Variants in NUP205 observed in about 807,000 individuals in gnomAD.
NUP205 encodes the protein nucleoporin 205.
NUP205 carries 76 observed loss-of-function variants against 253.8 expected under a neutral mutation model. The ratio of observed to expected loss-of-function variants is 0.30; its 90% CI spans 0.25 to 0.36. NUP205 has a LOEUF of 0.36. NUP205 is among the 10% of genes least tolerant of loss of function. The pLI is 1.00. For synonymous variants in NUP205, 832 were observed against 850.1 expected (o/e 0.98, Z 0.37); for missense variants, 2,162 against 2,425.5 (o/e 0.89, Z 2.28).
At chr7:135,603,753 G>A (rs1223856731) in intron 18 of NUP205, among the ~76,000 whole-genome samples, 1 of 151,902 alleles carries the variant, frequency 6.6e-6, no homozygotes, top group Admixed American at 6.6e-5. Flanking sequence ...CAAGCAGTCC[G>A]CCCAGCTCAG....
rs895457598 is a variant in NUP205 at position 135,585,024 on chromosome 7, A to G, written c.1218+17A>G. 2 of 1,565,254 alleles carry G rather than the reference A, an allele frequency of 1.3e-6. No homozygotes were observed. The highest frequency in any genetic ancestry group is 8.7e-7 in the Non-Finnish European group (1 of 1,144,054). On this transcript the variant is annotated intron_variant, in intron 8 of 42. Coordinates refer to ENST00000285968, the MANE Select transcript of NUP205 (RefSeq NM_015135.3). The stretch of plus-strand genomic sequence containing the variant: ...CCAATGAAGGTAAGTGTAATAATGT[A>G]GGATGAGTAAATAGTAGAAGAATTT...
chr7:135,609,954 G>T (rs1282196154), intron 22 of NUP205, among the ~76,000 whole-genome samples: 1 of 152,182 alleles, frequency 6.6e-6, no homozygotes, highest in East Asian at 1.9e-4. Context: ...AATGAAGCCA[G>T]GGTCCAGTTA....
rs553570706 is a variant in NUP205, at chr7:135,566,511, G to C, written c.29-4594G>C. 8.5e-5 allele frequency among the ~76,000 whole-genome samples: 13 copies of C among 152,292 alleles called. No individual in the cohort carries two copies. In the South Asian group the frequency reaches 2.7e-3, roughly 32 times the overall value. The stretch of plus-strand genomic sequence containing the variant: ...ATATTTTTAATCAGAAGATTGGAAA[G>C]TGTGGGACTAAAGCAGGAGAAGCAA... On this transcript the variant is annotated intron_variant, in intron 1 of 42. Coordinates refer to ENST00000285968, the MANE Select transcript of NUP205 (RefSeq NM_015135.3).
At chr7:135,600,696 T>C (rs1265264142) in intron 15 of NUP205, among the ~76,000 whole-genome samples, 174 bp from the exon 16 acceptor site, 1 of 152,210 alleles carries the variant, frequency 6.6e-6, no homozygotes, top group South Asian at 2.1e-4. Flanking sequence ...CATTATCTTT[T>C]AGCAAAATAA....
chr7:135,648,593 T>A lies in NUP205; in HGVS notation c.*37T>A. The A allele has an allele frequency of 1.4e-6, 2 of 1,400,934 alleles. No homozygotes were observed. The highest frequency in any genetic ancestry group is 1.9e-6 in the Non-Finnish European group (2 of 1,062,386). 86.8% of individuals were successfully genotyped at this position (1,400,934 alleles called of 1,614,324 possible). Reference sequence around the variant, plus strand: ...TATGCTCTTCTATGAGAGAGATGAATTGGGGAGAATTGTCTCCATTTTATA... The same window carrying A: ...TATGCTCTTCTATGAGAGAGATGAAATGGGGAGAATTGTCTCCATTTTATA... On this transcript the variant is annotated 3_prime_UTR_variant, in exon 43 of 43. Transcript: ENST00000285968.
At chr7:135,618,347 GTAAC>G (rs1394020247) in intron 27 of NUP205, 61 bp from the exon 28 acceptor site, 4 of 1,343,310 alleles carry the variant, frequency 3.0e-6, no homozygotes, top group East Asian at 4.6e-5. Context: ...TATTTTCTGA[GTAAC>G]TGACAGATAA....
Position 135,614,195 on chromosome 7 carries a change from G to T in NUP205, c.3232G>T (p.Gly1078Cys). The T allele has an allele frequency of 6.2e-7, 1 of 1,610,954 alleles. No homozygotes were observed. The highest frequency in any genetic ancestry group is 2.2e-5 in the East Asian group (1 of 44,732). The change falls in exon 23 of 43, where the codon GGT (glycine) becomes TGT (cysteine). Residue 1078 changes from glycine to cysteine, a missense_variant. Gly to Cys is a radical substitution (Grantham distance 159). Transcript: ENST00000285968. Reference sequence around the variant, plus strand: ...GTTATGTGCATGCTCTGATACATCTGGTCCTACTATGAGGTACTTGAGAAC... The same window carrying T: ...GTTATGTGCATGCTCTGATACATCTTGTCCTACTATGAGGTACTTGAGAAC... ...YQLCACSDTS[G>C]PTMRYLRTSQ...
intron 3 of NUP205, among the ~76,000 whole-genome samples, chr7:135,574,300 T>C (rs1372957471): frequency 6.6e-6 from 1 of 152,108 alleles, no homozygotes; most frequent in Non-Finnish European, 1.5e-5. Context: ...ATTCAGATAA[T>C]GCATGAGTAG....
chr7:135,583,742 G>A (rs1163013099), intron 7 of NUP205, among the ~76,000 whole-genome samples: 1 of 152,108 alleles, frequency 6.6e-6, no homozygotes, highest in Non-Finnish European at 1.5e-5. Context: ...CTGGGTGACA[G>A]AGCGAGACCC....
In NUP205 at chr7:135,597,373, G is replaced by A; in HGVS notation, c.2019G>A (p.Leu673=). ...CTACTTCTTACTATTTTAAGATACT[G>A]CAGACCGTGAGGATTCCAAGCCAAA... ...LWQSLEYTQI[L]QTVRIPSQRQ... is the part of the protein sequence containing the mutation. The change falls in exon 14 of 43, where the codon CTG becomes CTA. Residue 673 remains leucine (L), a synonymous_variant. Coordinates refer to ENST00000285968, the MANE Select transcript of NUP205 (RefSeq NM_015135.3). 2 of 1,609,770 alleles carry A rather than the reference G, an allele frequency of 1.2e-6. No individual in the cohort carries two copies. The highest frequency in any genetic ancestry group is 2.2e-5 in the East Asian group (1 of 44,832).
chr7:135,583,386 T>C (rs1385333591), intron 7 of NUP205, among the ~76,000 whole-genome samples: 1 of 152,106 alleles, frequency 6.6e-6, no homozygotes. Flanking sequence ...TATGACATAC[T>C]CTTAATAGAA....
intron 18 of NUP205, among the ~76,000 whole-genome samples, chr7:135,603,659 A>G (rs988080890): frequency 7.9e-5 from 12 of 151,734 alleles, no homozygotes; most frequent in Admixed American, 1.3e-4. Context: ...ATAGATGTGC[A>G]CCACCACACC....
Position 135,635,564 on chromosome 7 carries a change from C to T in NUP205, c.5060-17C>T, listed in dbSNP as rs780027415. The T allele has an allele frequency of 6.5e-5, 89 of 1,368,682 alleles. No individual in the cohort carries two copies. The highest frequency in any genetic ancestry group is 9.1e-5 in the Non-Finnish European group (88 of 969,706). The allele number at this position is 1,368,682 out of a possible 1,614,324, so 84.8% of individuals were successfully genotyped here. ...TTTATTATAATAATATGTTTTAAAG[C>T]ATTCTACATTTTATAGGAATATTAA... On this transcript the variant is annotated splice_polypyrimidine_tract_variant and intron_variant, in intron 35 of 42. Coordinates refer to ENST00000285968, the MANE Select transcript of NUP205 (RefSeq NM_015135.3).
At chr7:135,584,153 A>G (rs1287649627) in intron 7 of NUP205, among the ~76,000 whole-genome samples, 2 of 152,168 alleles carry the variant, frequency 1.3e-5, no homozygotes, top group Non-Finnish European at 2.9e-5. Context: ...GCAAATACTT[A>G]CTGGTAAAAT....
intron 7 of NUP205, among the ~76,000 whole-genome samples, chr7:135,582,367 T>C (rs1039410775): frequency 6.6e-6 from 1 of 152,236 alleles, no homozygotes; most frequent in Non-Finnish European, 1.5e-5. Flanking sequence ...TTGAAATAAT[T>C]TGTTACTGTT....
intron 2 of NUP205, among the ~76,000 whole-genome samples, chr7:135,571,951 C>T (rs563557825): frequency 6.6e-6 from 1 of 152,280 alleles, no homozygotes; most frequent in East Asian, 1.9e-4. Context: ...ACTATAGCCT[C>T]AAACTCCTGG....
chr7:135,579,064 GAAAT>G (rs1440085742), intron 7 of NUP205, 149 bp downstream of exon 7: 10 of 498,316 alleles, frequency 2.0e-5, no homozygotes, highest in African/African-American at 1.8e-4. Flanking sequence ...GTGTAGTAGT[GAAAT>G]ACAGACTTTT....
chr7:135,596,988 G>A (rs908499052), intron 13 of NUP205, among the ~76,000 whole-genome samples: 8 of 151,188 alleles, frequency 5.3e-5, no homozygotes, highest in Admixed American at 5.3e-4. Flanking sequence ...AAAAAAAGAA[G>A]TTTCCTTTTG....
chr7:135,620,189 A>G (rs769157086), intron 30 of NUP205, among the ~76,000 whole-genome samples: 10 of 152,162 alleles, frequency 6.6e-5, no homozygotes, highest in Non-Finnish European at 1.3e-4. Flanking sequence ...GAATGGTCCA[A>G]TGTCTTTCTT....
Sources: allele counts gnomAD v4.1 joint callset (sites outside exome capture counted in the v4.1 genomes callset), GRCh38; gene constraint gnomAD v4.1.1; transcripts MANE v1.5; gene names NCBI Gene and HGNC (gene_info 2026-07-23, HGNC 2026-07-21).